Variants in CLIC4 observed in about 807,000 individuals in gnomAD.
CLIC4 encodes the protein chloride intracellular channel protein 4.
CLIC4 carries 13 observed loss-of-function variants against 24.6 expected under a neutral mutation model. The ratio of observed to expected loss-of-function variants is 0.53; its 90% CI spans 0.34 to 0.84. The LOEUF is 0.84. Ranked by LOEUF, CLIC4 falls within the 40% of genes least tolerant of loss-of-function variation. CLIC4 has a pLI of 0.01. For missense variants in CLIC4, 227 were observed against 301.7 expected, an observed-to-expected ratio of 0.75 and a Z score of 1.83; for synonymous variants, 104 against 111.3, an observed-to-expected ratio of 0.93 and a Z score of 0.41.
At chr1:24,748,506 T>TTG (rs1451221549) in intron 1 of CLIC4, among the ~76,000 whole-genome samples, 41 of 141,334 alleles carry the variant, frequency 2.9e-4, no homozygotes, top group Non-Finnish European at 3.9e-4. Context: ...TTTGTTTTTT[T>TTG]TTTTTTTTTT....
At chr1:24,763,401 G>A (rs1465977778) in intron 1 of CLIC4, among the ~76,000 whole-genome samples, 5 of 151,876 alleles carry the variant, frequency 3.3e-5, no homozygotes, top group South Asian at 2.1e-4. Flanking sequence ...TTAGCCGGGC[G>A]TTGTGGCGCA....
intron 2 of CLIC4, among the ~76,000 whole-genome samples, chr1:24,813,404 TTCTTTTTCTTTTTC>T (rs1396214793): frequency 3.3e-5 from 5 of 151,870 alleles, no homozygotes; most frequent in East Asian, 1.9e-4. Flanking sequence ...TTGATCTCTT[TTCTTTTTCTTTTTC>T]TCTTTTTCTT....
intron 4 of CLIC4, among the ~76,000 whole-genome samples, chr1:24,835,619 T>C (rs1639879237): frequency 6.6e-6 from 1 of 152,070 alleles, no homozygotes; most frequent in African/African-American, 2.4e-5. Flanking sequence ...ATAACAATAA[T>C]AGCATATAGG....
chr1:24,806,976 G>A (rs566661342), intron 2 of CLIC4, among the ~76,000 whole-genome samples: 1 of 151,946 alleles, frequency 6.6e-6, no homozygotes, highest in East Asian at 1.9e-4. Flanking sequence ...TCTCTGATAC[G>A]CTAGTTTTCT....
At chr1:24,777,179 C>T (rs1003017580) in intron 1 of CLIC4, among the ~76,000 whole-genome samples, 6 of 152,070 alleles carry the variant, frequency 3.9e-5, no homozygotes, top group African/African-American at 7.2e-5. Flanking sequence ...AGCCCATTTC[C>T]GTTAATTTTC....
chr1:24,787,312 G>A (rs545642315), intron 1 of CLIC4, among the ~76,000 whole-genome samples: 7 of 152,028 alleles, frequency 4.6e-5, no homozygotes, highest in Non-Finnish European at 8.8e-5. Flanking sequence ...GGCCAACATG[G>A]TGAAACCCTG....
At chr1:24,836,066 T>C (rs1284721055) in intron 4 of CLIC4, among the ~76,000 whole-genome samples, 1 of 152,096 alleles carries the variant, frequency 6.6e-6, no homozygotes, top group East Asian at 1.9e-4. Context: ...CTAAAGAAAG[T>C]TGACAAAGCC....
intron 4 of CLIC4, 50 bp downstream of exon 4, chr1:24,827,166 CA>C (rs774834281): frequency 1.8e-6 from 2 of 1,115,396 alleles, no homozygotes; most frequent in Non-Finnish European, 2.7e-6. Flanking sequence ...CCCCAAACAA[CA>C]ACAGGCTGTT....
intron 1 of CLIC4, among the ~76,000 whole-genome samples, chr1:24,793,521 A>C (rs893633500): frequency 1.3e-5 from 2 of 152,200 alleles, no homozygotes; most frequent in African/African-American, 4.8e-5. Flanking sequence ...ATCTCTAGAT[A>C]TGAGGCCCTG....
chr1:24,771,772 A>C (rs1463269178), intron 1 of CLIC4: 5 of 470,076 alleles, frequency 1.1e-5, no homozygotes, highest in Non-Finnish European at 2.1e-5. Flanking sequence ...GCTACTCACT[A>C]TATAGCTATT....
intron 2 of CLIC4, among the ~76,000 whole-genome samples, chr1:24,808,990 T>A (rs548638666): frequency 6.6e-6 from 1 of 152,104 alleles, no homozygotes; most frequent in Non-Finnish European, 1.5e-5. Flanking sequence ...TTAAAAAATA[T>A]TTTTGATCCT....
At chr1:24,751,430 G>A (rs1036619373) in intron 1 of CLIC4, among the ~76,000 whole-genome samples, 3 of 151,858 alleles carry the variant, frequency 2.0e-5, no homozygotes, top group Admixed American at 6.6e-5. Flanking sequence ...TAGTAGAGAC[G>A]GGGTTTCACT....
intron 2 of CLIC4, among the ~76,000 whole-genome samples, chr1:24,799,400 C>T (rs1204604316): frequency 6.7e-6 from 1 of 148,958 alleles, no homozygotes; most frequent in Admixed American, 6.7e-5. Flanking sequence ...AGTGAGGAGA[C>T]CCTCTGCCTG....
intron 1 of CLIC4, among the ~76,000 whole-genome samples, chr1:24,766,761 C>T (rs140493562): frequency 5.9e-5 from 9 of 151,290 alleles, no homozygotes; most frequent in African/African-American, 2.2e-4. Context: ...CCACCTTGCC[C>T]TCCTGAAGTG....
chr1:24,806,664 G>A (rs1187250710), intron 2 of CLIC4, among the ~76,000 whole-genome samples: 5 of 152,130 alleles, frequency 3.3e-5, no homozygotes, highest in African/African-American at 1.2e-4. Flanking sequence ...TTACCAATCA[G>A]TTAATGCTAG....
intron 1 of CLIC4, among the ~76,000 whole-genome samples, chr1:24,794,315 T>C (rs1639372180): frequency 6.6e-6 from 1 of 151,946 alleles, no homozygotes; most frequent in East Asian, 1.9e-4. Flanking sequence ...CAGCAGCGTA[T>C]AGTGTTCCCT....
At chr1:24,816,827 G>T (rs1489859241) in intron 3 of CLIC4, among the ~76,000 whole-genome samples, 2 of 152,130 alleles carry the variant, frequency 1.3e-5, no homozygotes, top group Admixed American at 6.5e-5. Flanking sequence ...TGGGCAGTGG[G>T]TCTCAACAGT....
At chr1:24,801,275 G>A (rs930712355) in intron 2 of CLIC4, among the ~76,000 whole-genome samples, 3 of 152,184 alleles carry the variant, frequency 2.0e-5, no homozygotes, top group Admixed American at 2.0e-4. Flanking sequence ...AGTTCTGCAG[G>A]TTGTACAGGA....
chr1:24,750,906 A>G (rs1371523896), intron 1 of CLIC4, among the ~76,000 whole-genome samples: 1 of 151,992 alleles, frequency 6.6e-6, no homozygotes, highest in Non-Finnish European at 1.5e-5. Context: ...CTCCCCTACT[A>G]GATAGACAGT....
Sources: allele counts gnomAD v4.1 joint callset (sites outside exome capture counted in the v4.1 genomes callset), GRCh38; gene constraint gnomAD v4.1.1; transcripts MANE v1.5; gene names NCBI Gene and HGNC (gene_info 2026-07-23, HGNC 2026-07-21).